The following LRP1B variants were observed in gnomAD, a reference collection of about 807,000 sequenced individuals.
The protein encoded by LRP1B is low-density lipoprotein receptor-related protein 1B.
LRP1B carries 217 observed loss-of-function variants against 556.6 expected under a neutral mutation model. The ratio of observed to expected loss-of-function variants is 0.39; its 90% CI spans 0.35 to 0.44. The LOEUF (loss-of-function observed/expected upper bound fraction) is 0.44, where lower values mean the gene tolerates loss of function less well. LRP1B is among the 20% of genes least tolerant of loss of function. The pLI is 1.00. For missense variants in LRP1B, 5,053 were observed against 5,620.8 expected, an observed-to-expected ratio of 0.90 and a Z score of 3.23; for synonymous variants, 2,047 against 1,865.8, an observed-to-expected ratio of 1.10 and a Z score of -2.50.
intron 14 of LRP1B, 37 bp downstream of exon 14, chr2:141,013,519 G>A (rs2105385085): frequency 6.7e-7 from 1 of 1,485,204 alleles, no homozygotes; most frequent in South Asian, 1.3e-5. Flanking sequence ...ATTATTATAT[G>A]TGAATCTCAG....
intron 3 of LRP1B, among the ~76,000 whole-genome samples, chr2:141,441,780 C>T (rs771276450): frequency 2.4e-4 from 37 of 152,076 alleles, no homozygotes; most frequent in Non-Finnish European, 4.4e-4. Flanking sequence ...GAACATTGAA[C>T]GCTACAGTCT....
intron 6 of LRP1B, among the ~76,000 whole-genome samples, chr2:141,221,832 G>A (rs1683054996): frequency 6.6e-6 from 1 of 152,124 alleles, no homozygotes; most frequent in African/African-American, 2.4e-5. Flanking sequence ...TGACTCCTGG[G>A]TAAATAATGA....
At chr2:141,146,432 C>A (rs1353551143) in intron 7 of LRP1B, among the ~76,000 whole-genome samples, 1 of 152,100 alleles carries the variant, frequency 6.6e-6, no homozygotes, top group Non-Finnish European at 1.5e-5. Flanking sequence ...TTAATACAAA[C>A]CTATATTACC....
intron 7 of LRP1B, among the ~76,000 whole-genome samples, chr2:141,135,521 C>T (rs1042133336): frequency 2.4e-4 from 36 of 152,092 alleles, no homozygotes; most frequent in African/African-American, 7.9e-4. Context: ...CATGCACACG[C>T]GTGCACACAT....
chr2:142,081,095 C>A (rs542497100), intron 1 of LRP1B, among the ~76,000 whole-genome samples: 5 of 151,920 alleles, frequency 3.3e-5, no homozygotes, highest in African/African-American at 1.2e-4. Flanking sequence ...TCCAATATTG[C>A]CCAGATTCAT....
intron 60 of LRP1B, among the ~76,000 whole-genome samples, chr2:140,474,752 CTA>C (rs1687900342): frequency 6.6e-6 from 1 of 151,870 alleles, no homozygotes; most frequent in African/African-American, 2.4e-5. Flanking sequence ...ACTTATAAAA[CTA>C]TACTTTTACT....
chr2:140,689,483 T>C (rs547430572), intron 41 of LRP1B, among the ~76,000 whole-genome samples: 2 of 152,346 alleles, frequency 1.3e-5, no homozygotes, highest in Admixed American at 6.5e-5. Context: ...GAATCGTTCA[T>C]TGCTCAATTA....
At chr2:141,617,206 C>A (rs1688338321) in intron 2 of LRP1B, among the ~76,000 whole-genome samples, 1 of 152,116 alleles carries the variant, frequency 6.6e-6, no homozygotes, top group Non-Finnish European at 1.5e-5. Flanking sequence ...ACACACCTAT[C>A]TCCAGTGATT....
intron 3 of LRP1B, among the ~76,000 whole-genome samples, chr2:141,392,388 TA>T (rs555324900): frequency 7.3e-6 from 1 of 136,952 alleles, no homozygotes; most frequent in Non-Finnish European, 1.5e-5. Flanking sequence ...ATGCATGTGG[TA>T]AAAAAACAAA....
chr2:141,699,091 G>A (rs1016030908), intron 2 of LRP1B, among the ~76,000 whole-genome samples: 3 of 151,790 alleles, frequency 2.0e-5, no homozygotes, highest in African/African-American at 7.3e-5. Flanking sequence ...TTGGGAAGAG[G>A]TTTCTCTGTA....
At chr2:140,653,760 C>T (rs1401279736) in intron 41 of LRP1B, among the ~76,000 whole-genome samples, 1 of 151,992 alleles carries the variant, frequency 6.6e-6, no homozygotes, top group Non-Finnish European at 1.5e-5. Flanking sequence ...CATGGTGGCT[C>T]ATGCCTGTAA....
At chr2:141,169,339 G>T (rs12105271) in intron 7 of LRP1B, among the ~76,000 whole-genome samples, 59 of 139,502 alleles carry the variant, frequency 4.2e-4, no homozygotes, top group South Asian at 2.1e-3. Flanking sequence ...AATAAATAAA[G>T]AAGAGATGGG....
rs530388520 is a variant in LRP1B, at chr2:141,240,355, A to T, written c.592+6871T>A. On this transcript the variant is annotated intron_variant, in intron 5 of 90. Transcript: ENST00000389484. The stretch of plus-strand genomic sequence containing the variant: ...ATGCCTTGAAGTCTCTGAAAAATCA[A>T]TTTTTTTTTCTTAAAAAATGTCAAA... Among the ~76,000 whole-genome samples, 422 of 132,908 alleles carry T rather than the reference A, an allele frequency of 3.2e-3. 1 individual carries two copies. Among genetic ancestry groups the T allele is most frequent in the African/African-American group, 0.01 (375 of 36,694 alleles). The allele number at this position is 132,908 out of a possible 152,430, so 87.2% of individuals were successfully genotyped here.
chr2:141,797,357 CAG>C (rs1695859864), intron 2 of LRP1B, among the ~76,000 whole-genome samples: 1 of 151,246 alleles, frequency 6.6e-6, no homozygotes, highest in Non-Finnish European at 1.5e-5. Flanking sequence ...AGGATTCTAA[CAG>C]TGTCATGAGG....
intron 3 of LRP1B, among the ~76,000 whole-genome samples, chr2:141,271,738 C>CA (rs1169201726): frequency 6.9e-6 from 1 of 145,374 alleles, no homozygotes; most frequent in Non-Finnish European, 1.5e-5. Flanking sequence ...AGACACAGAA[C>CA]AATTGACTGC....
intron 2 of LRP1B, among the ~76,000 whole-genome samples, chr2:141,763,350 T>G (rs537721931): frequency 6.6e-6 from 1 of 152,210 alleles, no homozygotes; most frequent in East Asian, 1.9e-4. Flanking sequence ...TACTAAGAAA[T>G]TTTCTGAAAG....
At chr2:140,770,086 C>T (rs1213076565) in intron 34 of LRP1B, among the ~76,000 whole-genome samples, 1 of 151,700 alleles carries the variant, frequency 6.6e-6, no homozygotes, top group Non-Finnish European at 1.5e-5. Flanking sequence ...CCACTATTTC[C>T]TATCCATGTA....
At chr2:141,885,262 G>A (rs1038775541) in intron 1 of LRP1B, among the ~76,000 whole-genome samples, 9 of 152,148 alleles carry the variant, frequency 5.9e-5, no homozygotes, top group African/African-American at 2.2e-4. Context: ...CATAAAGAAT[G>A]ATGGCAGGCT....
intron 7 of LRP1B, among the ~76,000 whole-genome samples, chr2:141,184,833 C>A (rs112079513): frequency 0.056 from 8,451 of 150,760 alleles, 320 homozygotes; most frequent in South Asian, 0.12. Flanking sequence ...CCTTACATAC[C>A]CTTCATCTTT....
Sources: allele counts gnomAD v4.1 joint callset (sites outside exome capture counted in the v4.1 genomes callset), GRCh38; gene constraint gnomAD v4.1.1; transcripts MANE v1.5; gene names NCBI Gene and HGNC (gene_info 2026-07-23, HGNC 2026-07-21).